The following UNC5C variants were observed in gnomAD, a reference collection of about 807,000 sequenced individuals.
UNC5C encodes the protein netrin receptor UNC5C.
UNC5C carries 47 observed loss-of-function variants against 99.8 expected under a neutral mutation model. The ratio of observed to expected loss-of-function variants is 0.47; its 90% CI spans 0.37 to 0.60. The LOEUF (loss-of-function observed/expected upper bound fraction) is 0.60, where lower values mean the gene tolerates loss of function less well. Ranked by LOEUF, UNC5C falls within the 20% of genes least tolerant of loss-of-function variation. The pLI, the probability that UNC5C is intolerant of heterozygous loss-of-function variation, is 0.00. For missense variants in UNC5C, 1,062 were observed against 1,165.9 expected (o/e 0.91, Z 1.30); for synonymous variants, 487 against 452.2 (o/e 1.08, Z -0.98).
chr4:95,436,185 GAA>G lies in UNC5C; in HGVS notation c.125-100556_125-100555del, dbSNP rs138789682. Among the ~76,000 whole-genome samples, 3 of 147,974 alleles carry G rather than the reference GAA, an allele frequency of 2.0e-5. No homozygotes were observed. The East Asian group carries it at 5.9e-4, about 29-fold the overall frequency. On this transcript the variant is annotated intron_variant, in intron 1 of 15. Transcript: ENST00000453304. ...GATGAGAAATTATAATTTATCTGATGAAAAAAAAAATCCAAAGAGAAAATTCA... is the reference window on the plus strand; with the variant it reads ...GATGAGAAATTATAATTTATCTGATGAAAAAAAATCCAAAGAGAAAATTCA...
chr4:95,281,617 G>A (rs1302399938), intron 3 of UNC5C, among the ~76,000 whole-genome samples: 5 of 152,200 alleles, frequency 3.3e-5, no homozygotes, highest in Non-Finnish European at 7.3e-5. Context: ...TGAAGAAGAT[G>A]TAGGTATTTG....
At chr4:95,259,012 C>T (rs1237408558) in intron 4 of UNC5C, among the ~76,000 whole-genome samples, 3 of 151,654 alleles carry the variant, frequency 2.0e-5, no homozygotes, top group South Asian at 2.1e-4. Flanking sequence ...CCACCCGCCT[C>T]GGCCTCCCAA....
chr4:95,265,076 GCAGA>G (rs1237031700), intron 4 of UNC5C, among the ~76,000 whole-genome samples: 1 of 152,028 alleles, frequency 6.6e-6, no homozygotes, highest in Non-Finnish European at 1.5e-5. Context: ...ATTTAATTGG[GCAGA>G]CAAAGGGCCC....
rs1046793229 is a variant in UNC5C, at chr4:95,167,493, G to T, written c.*1741C>A. 1 of 152,196 alleles carries T rather than the reference G, an allele frequency of 6.6e-6. No homozygotes were observed. The highest frequency in any genetic ancestry group is 1.5e-5 in the Non-Finnish European group (1 of 68,032). The allele number at this position is 152,196 out of a possible 1,614,324, so 9.4% of individuals were successfully genotyped here. ...GACAGCAAAGAAAGATTAAGGGTGG[G>T]GGGGTGTAGCGTAGAAAAAAATGCA... On this transcript the variant is annotated 3_prime_UTR_variant, in exon 16 of 16. Coordinates refer to ENST00000453304, the MANE Select transcript of UNC5C (RefSeq NM_003728.4).
chr4:95,239,332 TC>T (rs1739243206), intron 7 of UNC5C, among the ~76,000 whole-genome samples: 1 of 152,182 alleles, frequency 6.6e-6, no homozygotes, highest in Admixed American at 6.5e-5. Flanking sequence ...AGTCTTCATT[TC>T]CCTTTTCCTA....
intron 1 of UNC5C, among the ~76,000 whole-genome samples, chr4:95,424,755 C>T (rs1310765721): frequency 6.6e-6 from 1 of 151,808 alleles, no homozygotes; most frequent in Non-Finnish European, 1.5e-5. Context: ...GATCTCCTGA[C>T]CTCGTGATCC....
intron 1 of UNC5C, among the ~76,000 whole-genome samples, chr4:95,364,846 A>C (rs1472388586): frequency 2.0e-5 from 3 of 152,002 alleles, no homozygotes; most frequent in Non-Finnish European, 4.4e-5. Context: ...CTGCCCTACT[A>C]ACTTTCTCAA....
rs1721136027 is a variant in UNC5C at position 95,481,051 on chromosome 4, A to G, written c.124+67683T>C. Among the ~76,000 whole-genome samples, 3 of 150,718 alleles carry G rather than the reference A, an allele frequency of 2.0e-5. No individual in the cohort carries two copies. The South Asian group carries it at 6.3e-4, about 32-fold the overall frequency. ...AGGAAATAAAGGGTATTCAATTAGG[A>G]AAAGAGGAAGTCAAATTGTCCCTGT... On this transcript the variant is annotated intron_variant, in intron 1 of 15. Transcript: ENST00000453304.
chr4:95,391,332 C>T (rs900955864), intron 1 of UNC5C, among the ~76,000 whole-genome samples: 4 of 152,184 alleles, frequency 2.6e-5, no homozygotes, highest in African/African-American at 9.7e-5. Context: ...GACTCCTGAA[C>T]TCAAGTGATC....
rs551502499 is a variant in UNC5C at position 95,282,170 on chromosome 4, T to C, written c.491-3808A>G. Among the ~76,000 whole-genome samples, 6 of 152,266 alleles carry C rather than the reference T, an allele frequency of 3.9e-5. No individual in the cohort carries two copies. In the South Asian group the frequency reaches 1.2e-3, roughly 32 times the overall value. The stretch of plus-strand genomic sequence containing the variant: ...GACAGTGACATTCAAGAGGAAAAGC[T>C]GTCATCCAATGATATAGAGTGAACA... On this transcript the variant is annotated intron_variant, in intron 3 of 15. Transcript: ENST00000453304.
At chr4:95,404,608 C>A (rs1207091986) in intron 1 of UNC5C, among the ~76,000 whole-genome samples, 1 of 152,112 alleles carries the variant, frequency 6.6e-6, no homozygotes, top group Non-Finnish European at 1.5e-5. Context: ...TCTTAATGAT[C>A]TCTAAGAGTG....
chr4:95,168,381 A>T lies in UNC5C; in HGVS notation c.*853T>A, dbSNP rs1735939841. 6.6e-6 allele frequency: 1 copy of T among 152,416 alleles called. No homozygotes were observed. The highest frequency in any genetic ancestry group is 2.4e-5 in the African/African-American group (1 of 41,584). The allele number at this position is 152,416 out of a possible 1,614,324, so 9.4% of individuals were successfully genotyped here. On this transcript the variant is annotated 3_prime_UTR_variant, in exon 16 of 16. Coordinates refer to ENST00000453304, the MANE Select transcript of UNC5C (RefSeq NM_003728.4). ...AATACTAACAAACAGCACTGCTAAC[A>T]AAAATAGAAATTTAAAAAAATCATT...
At chr4:95,256,699 A>T (rs73837515) in intron 4 of UNC5C, among the ~76,000 whole-genome samples, 13,871 of 91,162 alleles carry the variant, frequency 0.15, 1,364 homozygotes, top group Middle Eastern at 0.17. Context: ...GAACTAAATA[A>T]ATATATATAT....
At chr4:95,275,819 C>T (rs1740839073) in intron 4 of UNC5C, among the ~76,000 whole-genome samples, 1 of 152,120 alleles carries the variant, frequency 6.6e-6, no homozygotes, top group Non-Finnish European at 1.5e-5. Context: ...AACAATCAGC[C>T]ATATGTTCAT....
At chr4:95,392,879 G>A (rs1560816651) in intron 1 of UNC5C, among the ~76,000 whole-genome samples, 2 of 151,916 alleles carry the variant, frequency 1.3e-5, no homozygotes, top group African/African-American at 2.4e-5. Flanking sequence ...TATATTATTG[G>A]TTCAGAGGGA....
At chr4:95,217,265 T>G (rs1354359410) in intron 9 of UNC5C, among the ~76,000 whole-genome samples, 1 of 152,178 alleles carries the variant, frequency 6.6e-6, no homozygotes, top group African/African-American at 2.4e-5. Context: ...CTGACCACAC[T>G]GGAAAGTCTC....
chr4:95,466,109 T>A, intron 1 of UNC5C, among the ~76,000 whole-genome samples: 1 of 152,134 alleles, frequency 6.6e-6, no homozygotes, highest in Non-Finnish European at 1.5e-5. Context: ...ATTTTGAAGA[T>A]CTCCAAGTAA....
chr4:95,478,771 C>G (rs1721038859), intron 1 of UNC5C, among the ~76,000 whole-genome samples: 1 of 152,022 alleles, frequency 6.6e-6, no homozygotes, highest in Admixed American at 6.6e-5. Flanking sequence ...TTTCAAATCT[C>G]ATATGAAAAT....
At chr4:95,418,935 T>G (rs1467738827) in intron 1 of UNC5C, among the ~76,000 whole-genome samples, 1 of 152,170 alleles carries the variant, frequency 6.6e-6, no homozygotes, top group Non-Finnish European at 1.5e-5. Context: ...TTCAGAATGT[T>G]TTCCTGGTGC....
Sources: allele counts gnomAD v4.1 joint callset (sites outside exome capture counted in the v4.1 genomes callset), GRCh38; gene constraint gnomAD v4.1.1; transcripts MANE v1.5; gene names NCBI Gene and HGNC (gene_info 2026-07-23, HGNC 2026-07-21).